Variants in TRIM32 observed in about 807,000 individuals in gnomAD.
The protein encoded by TRIM32 is tripartite motif containing 32, also known as E3 ubiquitin-protein ligase TRIM32.
Under a neutral mutation model 36.0 loss-of-function variants are expected in TRIM32, and 19 were observed. The ratio of observed to expected loss-of-function variants is 0.53; its 90% CI spans 0.37 to 0.77. The LOEUF (loss-of-function observed/expected upper bound fraction) is 0.77, where lower values mean the gene tolerates loss of function less well. TRIM32 is among the 30% of genes least tolerant of loss of function. The pLI is 0.00. For missense variants in TRIM32, 747 were observed against 845.2 expected (o/e 0.88, Z 1.44); for synonymous variants, 309 against 318.5 (o/e 0.97, Z 0.32).
rs1295233873 is a variant in TRIM32 at position 116,699,702 on chromosome 9, T to C, written c.1960T>C (p.Ter654GlnextTer18). 6.2e-6 allele frequency: 10 copies of C among 1,614,210 alleles called. No individual in the cohort carries two copies. The highest frequency in any genetic ancestry group is 7.6e-6 in the Non-Finnish European group (9 of 1,180,038). The change falls in exon 2 of 2, where the codon TAG (stop) becomes CAG (glutamine). Residue 654 changes from the stop codon to glutamine, a stop_lost. Transcript: ENST00000450136. This position sits in a 1 kb window ranked among gnomAD's most constrained non-coding sequence, Gnocchi z 4.2. ...CCATCTGAGAAGATATTCCACCCCA[T>C]AGGGGATGAGAAATTATCAGTTTCT... ...SYHLRRYSTP[*>Q]
chr9:116,687,516 G>GC (rs1275537192), intron 1 of TRIM32, 135 bp downstream of exon 1: 1 of 146,368 alleles, frequency 6.8e-6, no homozygotes, highest in African/African-American at 2.5e-5. Context: ...ACCGGATCTG[G>GC]GGGGGGCAGG....
Position 116,698,760 on chromosome 9 carries a change from C to T in TRIM32, c.1018C>T (p.Pro340Ser). ...EEVVASPRAS[P>S]AKQRGPEAAS... The stretch of plus-strand genomic sequence containing the variant: ...AGTGGTTGCCAGCCCTAGGGCCTCA[C>T]CTGCTAAACAGCGGGGTCCTGAGGC... The change falls in exon 2 of 2, where the codon CCT becomes TCT. Residue 340 changes from proline (P) to serine (S), a missense_variant. Transcript: ENST00000450136. The surrounding 1 kb of genome is among the most constrained non-coding windows in gnomAD (Gnocchi z 4.4). 2 of 1,614,172 alleles carry T rather than the reference C, an allele frequency of 1.2e-6. No individual in the cohort carries two copies. Among genetic ancestry groups the T allele is most frequent in the South Asian group, 1.1e-5 (1 of 91,086 alleles).
At chr9:116,693,233 T>C (rs145721012) in intron 1 of TRIM32, among the ~76,000 whole-genome samples, 2 of 152,190 alleles carry the variant, frequency 1.3e-5, no homozygotes, top group African/African-American at 4.8e-5. Flanking sequence ...ACAGTACTCT[T>C]TTTATAAACT....
At position 116,698,925 on chromosome 9, in the gene TRIM32, A is replaced by G; in HGVS notation, c.1183A>G (p.Ile395Val). 5 of 1,614,202 alleles carry G rather than the reference A, an allele frequency of 3.1e-6. No individual in the cohort carries two copies. Among genetic ancestry groups the G allele is most frequent in the Non-Finnish European group, 4.2e-6 (5 of 1,180,044 alleles). Residue 395 changes from isoleucine (I) to valine (V), a missense_variant, in exon 2 of 2, where the codon ATA becomes GTA. Transcript: ENST00000450136. This position sits in a 1 kb window ranked among gnomAD's most constrained non-coding sequence, Gnocchi z 4.4. ...AGTCGCTGACCGTGGTAACTATCGT[A>G]TACAAGTCTTTACCCGCAAAGGCTT... ...VLVADRGNYR[I>V]QVFTRKGFLK... is the part of the protein sequence containing the mutation.
At position 116,698,112 on chromosome 9, in the gene TRIM32, C is replaced by T. The variant is rs572052810; in HGVS notation, c.370C>T (p.Arg124Trp). ...TGGTTTGGTGTTATGTGAGCCCTGC[C>T]GGGAGGCAGACCATCAGCCTCCTGG... is the stretch of plus-strand genomic sequence containing the variant. ...SCGLVLCEPC[R>W]EADHQPPGHC... Residue 124 changes from arginine (R) to tryptophan (W), a missense_variant, in exon 2 of 2, where the codon CGG (arginine) becomes TGG (tryptophan). Physicochemically the swap from Arg to Trp is moderately radical, Grantham distance 101. Coordinates refer to ENST00000450136, the MANE Select transcript of TRIM32 (RefSeq NM_012210.4). The surrounding 1 kb of genome is among the most constrained non-coding windows in gnomAD (Gnocchi z 4.4). 433 of 1,614,044 alleles carry T rather than the reference C, an allele frequency of 2.7e-4. 6 individuals are homozygous for T. The South Asian group carries it at 4.2e-3, about 15-fold the overall frequency.
chr9:116,699,528 C>T lies in TRIM32; in HGVS notation c.1786C>T (p.Arg596Cys), dbSNP rs765348678. 6.8e-6 allele frequency: 11 copies of T among 1,614,138 alleles called. 1 individual carries two copies. Among genetic ancestry groups the T allele is most frequent in the Admixed American group, 6.7e-5 (4 of 60,016 alleles). The change falls in exon 2 of 2, where the codon CGC (arginine) becomes TGC (cysteine). Residue 596 changes from arginine (R) to cysteine (C), a missense_variant. Physicochemically the swap from Arg to Cys is radical, Grantham distance 180 (BLOSUM62 -3). Coordinates refer to ENST00000450136, the MANE Select transcript of TRIM32 (RefSeq NM_012210.4). The surrounding 1 kb of genome is among the most constrained non-coding windows in gnomAD (Gnocchi z 4.2). ...RGDLIVADSSRKEILHFPKGG... is the reference protein window; with the variant it reads ...RGDLIVADSSCKEILHFPKGG... Reference sequence around the variant, plus strand: ...TGATCTCATCGTGGCTGACAGTAGTCGCAAGGAAATTCTCCATTTTCCTAA... The same window carrying T: ...TGATCTCATCGTGGCTGACAGTAGTTGCAAGGAAATTCTCCATTTTCCTAA...
At chr9:116,687,539 G>T (rs1860325788) in intron 1 of TRIM32, among the ~76,000 whole-genome samples, 158 bp downstream of exon 1, 1 of 142,938 alleles carries the variant, frequency 7.0e-6, no homozygotes, top group Non-Finnish European at 1.5e-5. Flanking sequence ...TAGGGTGGGG[G>T]TGGGGCTGCG....
intron 1 of TRIM32, among the ~76,000 whole-genome samples, chr9:116,687,640 G>T (rs1372724513): frequency 6.6e-6 from 1 of 151,776 alleles, no homozygotes; most frequent in East Asian, 1.9e-4. Context: ...AGAGATTTGC[G>T]GTTGCAGCAT....
chr9:116,693,566 T>A (rs771507617), intron 1 of TRIM32, among the ~76,000 whole-genome samples: 2 of 152,122 alleles, frequency 1.3e-5, no homozygotes, highest in Non-Finnish European at 2.9e-5. Flanking sequence ...TATTAATCAT[T>A]AGGTCAAGGG....
chr9:116,699,881 C>T lies in TRIM32; in HGVS notation c.*177C>T, dbSNP rs149956877. The T allele has an allele frequency of 1.2e-4, 95 of 818,510 alleles. No homozygotes were observed. In the African/African-American group the frequency reaches 1.3e-3, roughly 11 times the overall value. 50.7% of individuals were successfully genotyped at this position (818,510 alleles called of 1,614,324 possible). ...TTTATTTGTTATGTCCCCCTCCCCG[C>T]TTCCCACCTAAATTTAGAGCTTTAA... On this transcript the variant is annotated 3_prime_UTR_variant, in exon 2 of 2. Coordinates refer to ENST00000450136, the MANE Select transcript of TRIM32 (RefSeq NM_012210.4). This position sits in a 1 kb window ranked among gnomAD's most constrained non-coding sequence, Gnocchi z 4.2.
At position 116,698,967 on chromosome 9, in the gene TRIM32, C is replaced by T. The variant is rs765158423; in HGVS notation, c.1225C>T (p.Arg409Cys). Residue 409 changes from arginine to cysteine, a missense_variant, in exon 2 of 2, where the codon CGC becomes TGC. Arg to Cys is a radical substitution (Grantham distance 180). Transcript: ENST00000450136. The surrounding 1 kb of genome is among the most constrained non-coding windows in gnomAD (Gnocchi z 4.4). ...TRKGFLKEIR[R>C]SPSGIDSFVL... ...CAAAGGCTTTTTGAAGGAAATCCGC[C>T]GCAGCCCCAGTGGCATTGATAGCTT... 8.7e-6 allele frequency: 14 copies of T among 1,614,052 alleles called. No individual in the cohort carries two copies. Among genetic ancestry groups the T allele is most frequent in the South Asian group, 3.3e-5 (3 of 91,086 alleles).
At chr9:116,689,728 C>T (rs1860468873) in intron 1 of TRIM32, among the ~76,000 whole-genome samples, 1 of 152,142 alleles carries the variant, frequency 6.6e-6, no homozygotes, top group Non-Finnish European at 1.5e-5. Flanking sequence ...GGGGGTAAAT[C>T]TCTCTGATTA....
intron 1 of TRIM32, 73 bp downstream of exon 1, chr9:116,687,454 C>CCT (rs1860311929): frequency 6.4e-6 from 1 of 155,044 alleles, no homozygotes; most frequent in East Asian, 2.6e-4. Context: ...AGCGGCCAGG[C>CCT]GGGGGAACGT....
At chr9:116,694,389 A>G (rs907616743) in intron 1 of TRIM32, among the ~76,000 whole-genome samples, 1 of 151,654 alleles carries the variant, frequency 6.6e-6, no homozygotes, top group Non-Finnish European at 1.5e-5. Context: ...GTCCCAGATG[A>G]TAGAAGAGAG....
At position 116,698,161 on chromosome 9, in the gene TRIM32, A is replaced by G. The variant is rs767396315; in HGVS notation, c.419A>G (p.Glu140Gly). 6.2e-7 allele frequency: 1 copy of G among 1,614,098 alleles called. No individual in the cohort carries two copies. ...PPGHCTLPVK[E>G]AAEERRRDFG... ...GGCCACTGTACACTCCCTGTCAAAG[A>G]AGCAGCTGAGGAGCGGCGTCGGGAC... The change falls in exon 2 of 2, where the codon GAA becomes GGA. Residue 140 changes from glutamate to glycine, a missense_variant. By Grantham distance (98) the Glu-to-Gly change is moderately conservative (BLOSUM62 -2). Transcript: ENST00000450136. This position sits in a 1 kb window ranked among gnomAD's most constrained non-coding sequence, Gnocchi z 4.4.
In TRIM32 at chr9:116,699,845, CT is replaced by C. The variant is rs1861085932; in HGVS notation, c.*145del. 1 of 1,138,976 alleles carries C rather than the reference CT, an allele frequency of 8.8e-7. No homozygotes were observed. The highest frequency in any genetic ancestry group is 1.5e-5 in the South Asian group (1 of 68,144). The allele number at this position is 1,138,976 out of a possible 1,614,324, so 70.6% of individuals were successfully genotyped here. On this transcript the variant is annotated 3_prime_UTR_variant, in exon 2 of 2. Coordinates refer to ENST00000450136, the MANE Select transcript of TRIM32 (RefSeq NM_012210.4). The surrounding 1 kb of genome is among the most constrained non-coding windows in gnomAD (Gnocchi z 4.2). ...AGTTCTAGAACTTCAGAAGCTCCAT[CT>C]TTTAATGTTTTTATTTGTTATGTCC... is the stretch of plus-strand genomic sequence containing the variant.
rs780958079 is a variant in TRIM32, at chr9:116,698,437, A to G, written c.695A>G (p.Glu232Gly). Residue 232 changes from glutamate to glycine, a missense_variant, in exon 2 of 2, where the codon GAG (glutamate) becomes GGG (glycine). Physicochemically the swap from Glu to Gly is moderately conservative, Grantham distance 98 (BLOSUM62 -2). Transcript: ENST00000450136. This position sits in a 1 kb window ranked among gnomAD's most constrained non-coding sequence, Gnocchi z 4.4. ...EEQSYLLNIA[E>G]VQAVSRCDYF... The stretch of plus-strand genomic sequence containing the variant: ...CAGAGTTACCTGCTTAACATTGCAG[A>G]GGTGCAGGCTGTGTCTCGCTGTGAC... 17 of 1,614,084 alleles carry G rather than the reference A, an allele frequency of 1.1e-5. No homozygotes were observed. Among genetic ancestry groups the G allele is most frequent in the Non-Finnish European group, 1.4e-5 (16 of 1,180,022 alleles).
At position 116,698,241 on chromosome 9, in the gene TRIM32, A is replaced by C. The variant is rs1430666860; in HGVS notation, c.499A>C (p.Lys167Gln). ...RELMGELQRR[K>Q]AALEGVSKDL... ...ACTTATGGGGGAGCTGCAGCGGCGG[A>C]AGGCAGCCTTGGAAGGTGTCTCCAA... The change falls in exon 2 of 2, where the codon AAG becomes CAG. Residue 167 changes from lysine to glutamine, a missense_variant. Physicochemically the swap from Lys to Gln is moderately conservative, Grantham distance 53 (BLOSUM62 1). Coordinates refer to ENST00000450136, the MANE Select transcript of TRIM32 (RefSeq NM_012210.4). This position sits in a 1 kb window ranked among gnomAD's most constrained non-coding sequence, Gnocchi z 4.4. 6.2e-7 allele frequency: 1 copy of C among 1,614,140 alleles called. No homozygotes were observed. Among genetic ancestry groups the C allele is most frequent in the Non-Finnish European group, 8.5e-7 (1 of 1,180,044 alleles).
Position 116,698,773 on chromosome 9 carries a change from G to A in TRIM32, c.1031G>A (p.Arg344Gln), listed in dbSNP as rs778138359. Residue 344 changes from arginine to glutamine, a missense_variant, in exon 2 of 2, where the codon CGG (arginine) becomes CAG (glutamine). By Grantham distance (43) the Arg-to-Gln change is conservative. Coordinates refer to ENST00000450136, the MANE Select transcript of TRIM32 (RefSeq NM_012210.4). This position sits in a 1 kb window ranked among gnomAD's most constrained non-coding sequence, Gnocchi z 4.4. ...CCTAGGGCCTCACCTGCTAAACAGC[G>A]GGGTCCTGAGGCAGCCTCCAATATC... ...ASPRASPAKQ[R>Q]GPEAASNIQQ... 47 of 1,614,050 alleles carry A rather than the reference G, an allele frequency of 2.9e-5. No homozygotes were observed. The highest frequency in any genetic ancestry group is 5.3e-5 in the African/African-American group (4 of 74,922).
Sources: allele counts gnomAD v4.1 joint callset (sites outside exome capture counted in the v4.1 genomes callset), GRCh38; gene constraint gnomAD v4.1.1; non-coding constraint Gnocchi (gnomAD v3.1); transcripts MANE v1.5; gene names NCBI Gene and HGNC (gene_info 2026-07-23, HGNC 2026-07-21).